The following ECE1 variants were observed in gnomAD, a reference collection of about 807,000 sequenced individuals.
ECE1 encodes the protein endothelin-converting enzyme 1.
In ECE1, 35 loss-of-function variants were observed where a neutral mutation model predicts 98.6. The ratio of observed to expected loss-of-function variants is 0.35; its 90% CI spans 0.27 to 0.47. ECE1 has a LOEUF of 0.47. Among genes scored for constraint, ECE1 ranks in the 20% least tolerant of loss-of-function variants. The pLI is 1.00. For synonymous variants in ECE1, 394 were observed against 407.1 expected, an observed-to-expected ratio of 0.97 and a Z score of 0.39; for missense variants, 814 against 1,025.3, an observed-to-expected ratio of 0.79 and a Z score of 2.81.
chr1:21,306,325 G>GT (rs1267224328), intron 1 of ECE1, among the ~76,000 whole-genome samples: 51 of 145,606 alleles, frequency 3.5e-4, no homozygotes, highest in African/African-American at 1.2e-3. Context: ...TATGTTAAGT[G>GT]TTTTTTTGTT....
rs764894804 is a variant in ECE1 at position 21,236,721 on chromosome 1, C to T, written c.1488+25G>A. 7 of 1,610,898 alleles carry T rather than the reference C, an allele frequency of 4.3e-6. No individual in the cohort carries two copies. In the South Asian group the frequency reaches 5.5e-5, roughly 13 times the overall value. Reference sequence around the variant, plus strand: ...ATCTGTGCTGGACGCCGCAGCACCCCCTCCAAGTGCCTGGCCAGCCTCACC... The same window carrying T: ...ATCTGTGCTGGACGCCGCAGCACCCTCTCCAAGTGCCTGGCCAGCCTCACC... On this transcript the variant is annotated intron_variant, in intron 12 of 18. Coordinates refer to ENST00000374893, the MANE Select transcript of ECE1 (RefSeq NM_001397.3).
chr1:21,265,179 T>C (rs1011733402), intron 4 of ECE1, among the ~76,000 whole-genome samples: 1 of 152,108 alleles, frequency 6.6e-6, no homozygotes, highest in Non-Finnish European at 1.5e-5. Context: ...GATGCATAAT[T>C]GGTGAGTGAA....
chr1:21,344,096 G>A (rs1285317191), intron 1 of ECE1, among the ~76,000 whole-genome samples: 1 of 152,082 alleles, frequency 6.6e-6, no homozygotes, highest in Non-Finnish European at 1.5e-5. Context: ...CACCACTTCT[G>A]ACTCTAGTGA....
At position 21,345,292 on chromosome 1, in the gene ECE1, GC is replaced by G. The variant is rs1185962322; in HGVS notation, c.3+83del. On this transcript the variant is annotated intron_variant, in intron 1 of 18. Transcript: ENST00000415912. The surrounding 1 kb of genome is among the most constrained non-coding windows in gnomAD (Gnocchi z 5.1). The stretch of plus-strand genomic sequence containing the variant: ...GCCCAGCCCCCCGCGAGCCAGGGCG[GC>G]CCCGGGTGCCACCCGCGGCACCGCT... 8 of 1,306,394 alleles carry G rather than the reference GC, an allele frequency of 6.1e-6. No individual in the cohort carries two copies. The highest frequency in any genetic ancestry group is 2.0e-5 in the South Asian group (1 of 51,006). The allele number at this position is 1,306,394 out of a possible 1,614,324, so 80.9% of individuals were successfully genotyped here.
In ECE1 at chr1:21,238,367, C is replaced by T. The variant is rs148461660; in HGVS notation, c.1279-123G>A. The T allele has an allele frequency of 5.2e-3, 4,116 of 794,308 alleles. 14 individuals carry two copies. Among genetic ancestry groups the T allele is most frequent in the Middle Eastern group, 0.01 (30 of 2,902 alleles). The allele number at this position is 794,308 out of a possible 1,614,324, so 49.2% of individuals were successfully genotyped here. On this transcript the variant is annotated intron_variant, in intron 10 of 18. Transcript: ENST00000374893. ...TTCTGGAAGTTCAGGGAGAGCTTTC[C>T]GACCCAGTAAAGTTATTTTAGTCAC...
intron 1 of ECE1, among the ~76,000 whole-genome samples, chr1:21,313,094 T>C (rs1250020402): frequency 6.6e-6 from 1 of 152,122 alleles, no homozygotes; most frequent in Non-Finnish European, 1.5e-5. Context: ...ACTTATTGTT[T>C]CCACTCTGCC....
intron 4 of ECE1, among the ~76,000 whole-genome samples, chr1:21,270,679 G>A (rs571609765): frequency 6.6e-6 from 1 of 152,276 alleles, no homozygotes; most frequent in African/African-American, 2.4e-5. Context: ...AATACAAACA[G>A]CAGCCACCAC....
At chr1:21,333,156 G>A (rs535822794) in intron 1 of ECE1, among the ~76,000 whole-genome samples, 1 of 152,264 alleles carries the variant, frequency 6.6e-6, no homozygotes, top group South Asian at 2.1e-4. Flanking sequence ...ATGGCCCTTG[G>A]TCTTAACCAC....
Position 21,307,944 on chromosome 1 carries a change from G to T in ECE1, c.4-17788C>A, listed in dbSNP as rs1180639068. Among the ~76,000 whole-genome samples, 1 of 152,166 alleles carries T rather than the reference G, an allele frequency of 6.6e-6. No individual in the cohort carries two copies. The highest frequency in any genetic ancestry group is 6.5e-5 in the Admixed American group (1 of 15,286). On this transcript the variant is annotated intron_variant, in intron 1 of 18. Coordinates refer to the ECE1 transcript ENST00000415912. The surrounding 1 kb of genome is among the most constrained non-coding windows in gnomAD (Gnocchi z 4.2). ...AGGAGGTGCCTGGCTCAGTTTTGCTGCGATCCCAATGGGTCACACGCCTTC... is the reference window on the plus strand; with the variant it reads ...AGGAGGTGCCTGGCTCAGTTTTGCTTCGATCCCAATGGGTCACACGCCTTC...
In ECE1 at chr1:21,253,257, A is replaced by G. The variant is rs1018828902; in HGVS notation, c.1020+2690T>C. On this transcript the variant is annotated intron_variant, in intron 8 of 18. Coordinates refer to ENST00000374893, the MANE Select transcript of ECE1 (RefSeq NM_001397.3). ...TTTTTAGTAGAGACGGGGTTTTACC[A>G]TATTGGTCAGGCTGGTCTTGAACTC... Among the ~76,000 whole-genome samples, 5 of 151,924 alleles carry G rather than the reference A, an allele frequency of 3.3e-5. No homozygotes were observed. The South Asian group carries it at 6.3e-4, about 19-fold the overall frequency.
chr1:21,323,784 G>C (rs1346601778), intron 1 of ECE1, among the ~76,000 whole-genome samples: 8 of 151,210 alleles, frequency 5.3e-5, no homozygotes, highest in Non-Finnish European at 1.2e-4. Flanking sequence ...GTAGTGAAGG[G>C]AGACAGAAAA....
intron 3 of ECE1, among the ~76,000 whole-genome samples, chr1:21,276,882 A>C (rs776638784): frequency 6.6e-6 from 1 of 151,960 alleles, no homozygotes; most frequent in Non-Finnish European, 1.5e-5. Flanking sequence ...ATCCCTGGCT[A>C]ATTTTTGTAT....
chr1:21,292,614 C>T (rs540942522), upstream of ECE1, among the ~76,000 whole-genome samples: 123 of 152,318 alleles, frequency 8.1e-4, no homozygotes, highest in Admixed American at 2.6e-3. Flanking sequence ...TTTACTGGGG[C>T]TGGGACCTTG....
chr1:21,266,415 G>C (rs2098234023), intron 4 of ECE1: 1 of 152,294 alleles, frequency 6.6e-6, no homozygotes, highest in African/African-American at 2.4e-5. Flanking sequence ...CCTGTGCTGG[G>C]GGGAAGGGGT....
chr1:21,316,641 A>G (rs576845061), intron 1 of ECE1, among the ~76,000 whole-genome samples: 1 of 152,042 alleles, frequency 6.6e-6, no homozygotes, highest in Non-Finnish European at 1.5e-5. Flanking sequence ...GCCAAGAGAC[A>G]TGAATATGGA....
chr1:21,247,077 AAC>A (rs1377434914), intron 9 of ECE1, 142 bp downstream of exon 9: 1 of 1,169,882 alleles, frequency 8.5e-7, no homozygotes, highest in Non-Finnish European at 1.3e-6. Context: ...CTGTGCCTGT[AAC>A]CAGGATGTCC....
chr1:21,318,130 C>T (rs983433510), intron 1 of ECE1, among the ~76,000 whole-genome samples: 14 of 152,164 alleles, frequency 9.2e-5, no homozygotes, highest in Non-Finnish European at 1.9e-4. Context: ...CTGTTGGACT[C>T]GGAGATGAAC....
intron 7 of ECE1, 141 bp from the exon 8 acceptor site, chr1:21,256,279 G>T: frequency 1.0e-6 from 1 of 962,008 alleles, no homozygotes; most frequent in Non-Finnish European, 1.5e-6. Flanking sequence ...CGTGGGGCCA[G>T]GTGTGGTGGC....
chr1:21,237,552 A>C (rs912855360), intron 11 of ECE1, among the ~76,000 whole-genome samples: 2 of 152,204 alleles, frequency 1.3e-5, no homozygotes, highest in African/African-American at 4.8e-5. Context: ...GATTGTAACA[A>C]TAAAATGACC....
Sources: gnomAD v4.1 joint callset for allele counts (sites outside exome capture counted in the v4.1 genomes callset) on GRCh38, gnomAD v4.1.1 for gene constraint, Gnocchi (gnomAD v3.1) non-coding constraint, MANE v1.5 for transcripts, NCBI Gene and HGNC (gene_info 2026-07-23, HGNC 2026-07-21) for gene names.